Variants in PHIP observed in about 807,000 individuals in gnomAD.
The protein encoded by PHIP is PHIP subunit of CUL4-Ring ligase complex, also known as PH-interacting protein.
A neutral mutation model predicts 236.8 loss-of-function variants in PHIP; 54 were observed. The observed-to-expected ratio is 0.23, with a 90% confidence interval of 0.18 to 0.29. The LOEUF is 0.29. PHIP is among the 10% of genes least tolerant of loss of function. The probability of loss-of-function intolerance (pLI) is 1.00; values close to 1 mark genes in which losing one functional copy is unlikely to be tolerated. For synonymous variants in PHIP, 756 were observed against 718.9 expected, an observed-to-expected ratio of 1.05 and a Z score of -0.83; for missense variants, 1,370 against 2,190.8, an observed-to-expected ratio of 0.63 and a Z score of 7.48.
intron 32 of PHIP, chr6:78,957,595 A>C (rs1479300565): frequency 4.0e-5 from 6 of 151,730 alleles, no homozygotes; most frequent in African/African-American, 1.4e-4. Flanking sequence ...AAAAAAAAAA[A>C]CTGAATAATC....
At chr6:78,979,974 T>C (rs1768402194) in intron 23 of PHIP, among the ~76,000 whole-genome samples, 1 of 151,936 alleles carries the variant, frequency 6.6e-6, no homozygotes, top group African/African-American at 2.4e-5. Context: ...CAGTCAAACA[T>C]ATCAAGAGCA....
intron 6 of PHIP, among the ~76,000 whole-genome samples, chr6:79,045,286 G>A (rs952618348): frequency 1.3e-5 from 2 of 152,176 alleles, no homozygotes; most frequent in South Asian, 4.1e-4. Flanking sequence ...AGGAGAAAAT[G>A]TAAGTATAGT....
At chr6:78,987,315 T>G (rs974970508) in intron 21 of PHIP, among the ~76,000 whole-genome samples, 1 of 152,110 alleles carries the variant, frequency 6.6e-6, no homozygotes, top group Non-Finnish European at 1.5e-5. Context: ...TGTATGTCTA[T>G]CCAAATTACC....
In PHIP at chr6:78,955,402, C is replaced by A. The variant is rs189986218; in HGVS notation, c.3853-120G>T. ...AACACCTGTAATGTATATGCTGGGG[C>A]ACTTTATTGACTCATTAAAAAGGTT... On this transcript the variant is annotated intron_variant, in intron 33 of 39. Transcript: ENST00000275034. The A allele has an allele frequency of 7.5e-4, 534 of 715,422 alleles. 7 individuals carry two copies. The highest frequency in any genetic ancestry group is 5.7e-3 in the South Asian group (257 of 45,004). The allele number at this position is 715,422 out of a possible 1,614,324, so 44.3% of individuals were successfully genotyped here.
At chr6:78,969,948 T>G (rs372953450) in intron 26 of PHIP, 31 bp from the exon 27 acceptor site, 36 of 1,565,742 alleles carry the variant, frequency 2.3e-5, no homozygotes, top group Non-Finnish European at 3.1e-5. Flanking sequence ...ATTGATTAGG[T>G]CACATACCTA....
chr6:79,042,555 T>C (rs1487397738), intron 7 of PHIP, among the ~76,000 whole-genome samples: 1 of 152,100 alleles, frequency 6.6e-6, no homozygotes, highest in African/African-American at 2.4e-5. Flanking sequence ...TTATGCCATT[T>C]TGCAAAATGT....
At chr6:78,961,899 C>G (rs1661984769) in intron 30 of PHIP, 89 bp from the exon 31 acceptor site, 2 of 990,374 alleles carry the variant, frequency 2.0e-6, no homozygotes, top group Non-Finnish European at 3.0e-6. Flanking sequence ...CTTAAAAAGT[C>G]CTAATCTACA....
In PHIP at chr6:78,946,280, G is replaced by A. The variant is rs1391303920; in HGVS notation, c.4371-20C>T. ...TCAGGGCTGTAAATAAAATAGTATT[G>A]TCAGTCACTCTTATAGCTCTATGTG... is the stretch of plus-strand genomic sequence containing the variant. On this transcript the variant is annotated intron_variant, in intron 37 of 39. Transcript: ENST00000275034. 1 of 1,603,096 alleles carries A rather than the reference G, an allele frequency of 6.2e-7. No individual in the cohort carries two copies. Among genetic ancestry groups the A allele is most frequent in the Non-Finnish European group, 8.5e-7 (1 of 1,173,038 alleles).
At position 78,946,162 on chromosome 6, in the gene PHIP, T is replaced by C. The variant is rs759078097; in HGVS notation, c.4469A>G (p.Asn1490Ser). The stretch of plus-strand genomic sequence containing the variant: ...TGTTTTACCGTTTATCTGAGCAGCA[T>C]TGTGTCTTGGCGGTATTGATCGTGT... ...TPTRSIPPRH[N>S]AAQINGKTES... Residue 1490 changes from asparagine to serine, a missense_variant, in exon 38 of 40, where the codon AAT (asparagine) becomes AGT (serine). Transcript: ENST00000275034. The C allele has an allele frequency of 2.0e-5, 33 of 1,613,928 alleles. 1 individual carries two copies. The East Asian group carries it at 2.5e-4, about 12-fold the overall frequency.
At chr6:79,061,283 T>C (rs2127772913) in intron 4 of PHIP, among the ~76,000 whole-genome samples, 1 of 152,302 alleles carries the variant, frequency 6.6e-6, no homozygotes, top group Non-Finnish European at 1.5e-5. Flanking sequence ...TATTACTTCA[T>C]AATTAGCTAT....
intron 7 of PHIP, among the ~76,000 whole-genome samples, chr6:79,033,942 G>A (rs1582258266): frequency 2.0e-5 from 3 of 152,248 alleles, no homozygotes; most frequent in Non-Finnish European, 1.5e-5. Context: ...CCCAAGGAGA[G>A]AAAAATGGGG....
chr6:79,055,410 G>A (rs923212831), intron 6 of PHIP, among the ~76,000 whole-genome samples: 12 of 152,006 alleles, frequency 7.9e-5, no homozygotes, highest in African/African-American at 2.9e-4. Context: ...AGCAAATATA[G>A]AATAAACTAT....
intron 19 of PHIP, among the ~76,000 whole-genome samples, chr6:78,992,177 T>C (rs756715558): frequency 2.0e-5 from 3 of 152,032 alleles, no homozygotes; most frequent in Non-Finnish European, 4.4e-5. Context: ...CTAGCCAGGA[T>C]GGTCTCGATC....
chr6:79,033,799 T>C (rs1282719593), intron 7 of PHIP, among the ~76,000 whole-genome samples: 1 of 152,210 alleles, frequency 6.6e-6, no homozygotes, highest in Non-Finnish European at 1.5e-5. Context: ...CTAACTCTTT[T>C]AACATGCATT....
intron 17 of PHIP, among the ~76,000 whole-genome samples, chr6:79,000,998 C>T (rs568834471): frequency 7.2e-5 from 11 of 152,104 alleles, no homozygotes; most frequent in Admixed American, 3.3e-4. Context: ...ATAAGATGCA[C>T]GTTTGAGGTT....
chr6:78,971,379 T>C (rs1317460685), intron 24 of PHIP, among the ~76,000 whole-genome samples: 3 of 152,238 alleles, frequency 2.0e-5, no homozygotes, highest in East Asian at 1.9e-4. Context: ...GACTACTGTC[T>C]TGGAGAACTA....
chr6:78,986,942 G>GA (rs1487467551), intron 21 of PHIP, among the ~76,000 whole-genome samples: 1 of 118,680 alleles, frequency 8.4e-6, no homozygotes, highest in African/African-American at 2.7e-5. Flanking sequence ...GGGGGAAAAA[G>GA]AAACAGAATT....
In PHIP at chr6:79,066,856, C is replaced by T. The variant is rs1773647438; in HGVS notation, c.190-6038G>A. On this transcript the variant is annotated intron_variant, in intron 4 of 39. Transcript: ENST00000275034. ...CAAGAATGCCCATGTATCAGTAGTG[C>T]TCAAAACTTTTTAAACTCATCCACC... 2.0e-5 allele frequency among the ~76,000 whole-genome samples: 3 copies of T among 152,018 alleles called. No individual in the cohort carries two copies. In the South Asian group the frequency reaches 6.2e-4, roughly 32 times the overall value.
At chr6:78,992,813 A>T (rs118172637) in intron 19 of PHIP, among the ~76,000 whole-genome samples, 3,648 of 152,266 alleles carry the variant, frequency 0.024, 49 homozygotes, top group Non-Finnish European at 0.037. Flanking sequence ...CTGAGACAGA[A>T]CAATATTAAA....
Sources: gnomAD v4.1 joint callset for allele counts (sites outside exome capture counted in the v4.1 genomes callset) on GRCh38, gnomAD v4.1.1 for gene constraint, MANE v1.5 for transcripts, NCBI Gene and HGNC (gene_info 2026-07-23, HGNC 2026-07-21) for gene names.